Variants in FRY observed in about 807,000 individuals in gnomAD.
FRY encodes FRY microtubule binding protein, also known as protein furry homolog.
Under a neutral mutation model 348.4 loss-of-function variants are expected in FRY, and 128 were observed. That is an observed-to-expected ratio of 0.37 (90% confidence interval 0.32 to 0.43). The LOEUF is 0.43. FRY is among the 20% of genes least tolerant of loss of function. The pLI, the probability that FRY is intolerant of heterozygous loss-of-function variation, is 1.00. For missense variants in FRY, 2,736 were observed against 3,695.2 expected, an observed-to-expected ratio of 0.74 and a Z score of 6.73; for synonymous variants, 1,370 against 1,374.7, an observed-to-expected ratio of 1.00 and a Z score of 0.08.
intron 58 of FRY, among the ~76,000 whole-genome samples, chr13:32,284,973 C>A (rs927567759): frequency 6.6e-6 from 1 of 152,176 alleles, no homozygotes; most frequent in African/African-American, 2.4e-5. Context: ...GCTATGCATT[C>A]CTCAATTGTT....
intron 23 of FRY, among the ~76,000 whole-genome samples, chr13:32,180,163 T>C (rs2058344900): frequency 6.6e-6 from 1 of 152,238 alleles, no homozygotes; most frequent in Non-Finnish European, 1.5e-5. Flanking sequence ...ACCCAACAGA[T>C]TCTCAAAGGT....
At chr13:32,127,668 A>C (rs1169157612) in intron 7 of FRY, among the ~76,000 whole-genome samples, 1 of 152,030 alleles carries the variant, frequency 6.6e-6, no homozygotes, top group Non-Finnish European at 1.5e-5. Context: ...AATCCCAGCT[A>C]CTCAGGAGAC....
chr13:32,090,898 T>G (rs1428714058), intron 2 of FRY, among the ~76,000 whole-genome samples: 1 of 151,910 alleles, frequency 6.6e-6, no homozygotes, highest in African/African-American at 2.4e-5. Flanking sequence ...CCACTGCAAA[T>G]AGGACAGATT....
rs535824014 is a variant in FRY at position 32,171,125 on chromosome 13, T to G, written c.2006T>G (p.Phe669Cys). ...REDVLFGFTN[F>C]LLREVNDMHH... ...GATGTACTATTTGGCTTTACCAACT[T>G]CCTGCTCCGGGAAGTAAATGATATG... The change falls in exon 18 of 61, where the codon TTC becomes TGC. Residue 669 changes from phenylalanine (F) to cysteine (C), a missense_variant. Physicochemically the swap from Phe to Cys is radical, Grantham distance 205. Transcript: ENST00000542859. 1.2e-6 allele frequency: 2 copies of G among 1,613,942 alleles called. No homozygotes were observed. The highest frequency in any genetic ancestry group is 1.1e-5 in the South Asian group (1 of 91,070).
rs1485335145 is a variant in FRY, at chr13:32,194,141, A to T, written c.3592-2A>T. On this transcript the variant is annotated splice_acceptor_variant, in intron 28 of 60. Transcript: ENST00000542859. LOFTEE classifies it high-confidence loss of function. ...TAATATTGATTTGCTCCATGTATTC[A>T]GGTTCATCAACTTGGCTGCGAAGTT... 6.2e-7 allele frequency: 1 copy of T among 1,612,426 alleles called. No individual in the cohort carries two copies. Among genetic ancestry groups the T allele is most frequent in the Non-Finnish European group, 8.5e-7 (1 of 1,178,396 alleles).
At chr13:32,272,802 C>T (rs1888269910) in intron 55 of FRY, among the ~76,000 whole-genome samples, 2 of 152,104 alleles carry the variant, frequency 1.3e-5, no homozygotes, top group African/African-American at 4.8e-5. Flanking sequence ...GTAGCGCGAT[C>T]TTGGCTCACT....
intron 51 of FRY, among the ~76,000 whole-genome samples, chr13:32,260,395 T>A (rs988040184): frequency 7.5e-5 from 4 of 53,424 alleles, no homozygotes; most frequent in Non-Finnish European, 3.1e-4. Flanking sequence ...TTTTCTTCCT[T>A]TATTCCTAAC....
At chr13:32,037,396 A>C (rs1385321497) in intron 1 of FRY, among the ~76,000 whole-genome samples, 1 of 152,186 alleles carries the variant, frequency 6.6e-6, no homozygotes, top group Non-Finnish European at 1.5e-5. Context: ...CAAATTCACT[A>C]ATTGTCTTTA....
At chr13:32,179,057 A>G in intron 22 of FRY, 24 bp downstream of exon 22, 1 of 1,589,228 alleles carries the variant, frequency 6.3e-7, no homozygotes, top group Non-Finnish European at 8.6e-7. Flanking sequence ...CTTCAGAAGA[A>G]TTATTCTGTA....
At chr13:32,112,107 AG>A in intron 3 of FRY, among the ~76,000 whole-genome samples, 1 of 152,238 alleles carries the variant, frequency 6.6e-6, no homozygotes, top group East Asian at 1.9e-4. Flanking sequence ...GACACGGGAT[AG>A]GTGGGGCTTT....
chr13:32,234,880 A>G (rs1886140556), intron 42 of FRY, 119 bp downstream of exon 42: 2 of 803,450 alleles, frequency 2.5e-6, no homozygotes, highest in Non-Finnish European at 4.0e-6. Context: ...GACATGTACA[A>G]TATATTTTTT....
chr13:32,176,287 G>A (rs1381233516), intron 20 of FRY, among the ~76,000 whole-genome samples: 1 of 152,214 alleles, frequency 6.6e-6, no homozygotes, highest in Non-Finnish European at 1.5e-5. Flanking sequence ...AAAAATAAAA[G>A]TATAATAACA....
chr13:32,237,709 C>A lies in FRY; in HGVS notation c.6141C>A (p.Val2047=), dbSNP rs1480296035. The part of the protein sequence containing the change: ...PTNLLATIFW[V]TVALMESDFE... ...ACCTGCTGGCCACCATATTCTGGGT[C>A]ACAGTGGCCTTGATGGAGTCTGATT... Residue 2047 remains valine (V), a synonymous_variant, in exon 44 of 61, where the codon GTC becomes GTA. Transcript: ENST00000542859. This position sits in a 1 kb window ranked among gnomAD's most constrained non-coding sequence, Gnocchi z 6.3. The A allele has an allele frequency of 6.2e-7, 1 of 1,614,174 alleles. No homozygotes were observed. Among genetic ancestry groups the A allele is most frequent in the Non-Finnish European group, 8.5e-7 (1 of 1,180,030 alleles).
chr13:32,095,761 C>T (rs536157658), intron 2 of FRY, among the ~76,000 whole-genome samples: 2 of 152,032 alleles, frequency 1.3e-5, no homozygotes, highest in Non-Finnish European at 2.9e-5. Flanking sequence ...GGAGATTTTC[C>T]CCAATGTTTT....
chr13:32,082,530 CT>C (rs1372278104), intron 2 of FRY, among the ~76,000 whole-genome samples: 3 of 152,150 alleles, frequency 2.0e-5, no homozygotes, highest in African/African-American at 7.2e-5. Flanking sequence ...AAGATAAAAA[CT>C]GCAGAAAATA....
At chr13:32,232,318 G>C (rs1885960515) in intron 41 of FRY, among the ~76,000 whole-genome samples, 1 of 152,164 alleles carries the variant, frequency 6.6e-6, no homozygotes, top group Non-Finnish European at 1.5e-5. Context: ...TAAAGTCTAA[G>C]TCTTTTTGCA....
At chr13:32,270,376 T>C (rs1350352564) in intron 55 of FRY, among the ~76,000 whole-genome samples, 2 of 152,134 alleles carry the variant, frequency 1.3e-5, no homozygotes, top group African/African-American at 4.8e-5. Context: ...CCCAGCTAAT[T>C]TTGTATTTTT....
At chr13:32,285,491 G>A (rs1889000329) in intron 58 of FRY, among the ~76,000 whole-genome samples, 1 of 152,214 alleles carries the variant, frequency 6.6e-6, no homozygotes, top group Non-Finnish European at 1.5e-5. Context: ...TGTGCCCTGA[G>A]AGCTGAGTGG....
At position 32,239,923 on chromosome 13, in the gene FRY, T is replaced by A; in HGVS notation, c.6687+42T>A. 1 of 1,552,848 alleles carries A rather than the reference T, an allele frequency of 6.4e-7. No individual in the cohort carries two copies. The highest frequency in any genetic ancestry group is 8.8e-7 in the Non-Finnish European group (1 of 1,130,396). On this transcript the variant is annotated intron_variant, in intron 46 of 60. Transcript: ENST00000542859. This position sits in a 1 kb window ranked among gnomAD's most constrained non-coding sequence, Gnocchi z 4.3. Reference sequence around the variant, plus strand: ...TGTTTTTTGAGACAGGGTCTCATTATGTTGCCCAGGCTGATCTCAACTCTT... The same window carrying A: ...TGTTTTTTGAGACAGGGTCTCATTAAGTTGCCCAGGCTGATCTCAACTCTT...
Sources: allele counts gnomAD v4.1 joint callset (sites outside exome capture counted in the v4.1 genomes callset), GRCh38; gene constraint gnomAD v4.1.1; non-coding constraint Gnocchi (gnomAD v3.1); transcripts MANE v1.5; gene names NCBI Gene and HGNC (gene_info 2026-07-23, HGNC 2026-07-21).